The following LZIC variants were observed in gnomAD, a reference collection of about 807,000 sequenced individuals.
LZIC encodes the protein protein LZIC.
A neutral mutation model predicts 25.4 loss-of-function variants in LZIC; 28 were observed. That is an observed-to-expected ratio of 1.10 (90% CI 0.82 to 1.51). The LOEUF (loss-of-function observed/expected upper bound fraction) is 1.51, where lower values mean the gene tolerates loss of function less well. LZIC is among the 40% of genes most tolerant of loss of function. LZIC has a pLI of 0.00. For missense variants in LZIC, 170 were observed against 211.1 expected (o/e 0.81, Z 1.21); for synonymous variants, 65 against 70.7 (o/e 0.92, Z 0.40).
chr1:9,940,487 G>A (rs1640664218), intron 2 of LZIC, among the ~76,000 whole-genome samples: 2 of 142,930 alleles, frequency 1.4e-5, no homozygotes, highest in Non-Finnish European at 3.1e-5. Flanking sequence ...CCTAGTTTTT[G>A]TATATTTTTT....
rs1387656884 is a variant in LZIC, at chr1:9,940,365, G to C, written c.-9+2259C>G. Among the ~76,000 whole-genome samples the C allele has an allele frequency of 3.3e-5, 5 of 152,054 alleles. No individual in the cohort carries two copies. In the East Asian group the frequency reaches 9.7e-4, roughly 30 times the overall value. ...CTTATTTTTTTTGTATTTTTTAGTA[G>C]AGACGGGGTTTCATCGTGTTAGCCA... On this transcript the variant is annotated intron_variant, in intron 2 of 7. Coordinates refer to ENST00000377223, the MANE Select transcript of LZIC (RefSeq NM_032368.5).
chr1:9,942,383 C>T (rs984857043), intron 2 of LZIC, among the ~76,000 whole-genome samples: 4 of 152,130 alleles, frequency 2.6e-5, no homozygotes, highest in Admixed American at 6.6e-5. Context: ...AATTTGGTCA[C>T]GTATATAAAG....
Position 9,935,601 on chromosome 1 carries a change from T to C in LZIC, c.128A>G (p.Glu43Gly), listed in dbSNP as rs1640418921. The part of the protein sequence containing the change: ...CREELDTDEY[E>G]ETKKETLEQL... ...CTCCAGAGTTTCCTTTTTGGTTTCT[T>C]CATATTCATCTGTATCAAGTTCCTC... is the stretch of plus-strand genomic sequence containing the variant. The change falls in exon 4 of 8, where the codon GAA becomes GGA. Residue 43 changes from glutamate to glycine, a missense_variant. By Grantham distance (98) the Glu-to-Gly change is moderately conservative (BLOSUM62 -2). Transcript: ENST00000377223. The C allele has an allele frequency of 6.2e-7, 1 of 1,609,702 alleles. No homozygotes were observed. The highest frequency in any genetic ancestry group is 1.3e-5 in the African/African-American group (1 of 74,702).
intron 3 of LZIC, 59 bp from the exon 4 acceptor site, chr1:9,935,686 T>A (rs1277446890): frequency 1.4e-6 from 2 of 1,437,230 alleles, no homozygotes; most frequent in Non-Finnish European, 1.9e-6. Flanking sequence ...AAAAATGCAA[T>A]CTTAATACTT....
At chr1:9,933,349 T>G (rs1640321163) in intron 5 of LZIC, among the ~76,000 whole-genome samples, 1 of 149,160 alleles carries the variant, frequency 6.7e-6, no homozygotes, top group African/African-American at 2.5e-5. Flanking sequence ...AAAAATCCTC[T>G]AGCTGATTAA....
Position 9,940,746 on chromosome 1 carries a change from T to C in LZIC, c.-9+1878A>G, listed in dbSNP as rs114880362. ...ATAATGACAAAAAATTACTACCTAA[T>C]CTATTAAAATTGGCATAAGTCATCT... On this transcript the variant is annotated intron_variant, in intron 2 of 7. Transcript: ENST00000377223. Among the ~76,000 whole-genome samples the C allele has an allele frequency of 5.9e-3, 904 of 152,324 alleles. 6 individuals are homozygous for C. Among genetic ancestry groups the C allele is most frequent in the Non-Finnish European group, 0.01 (698 of 68,022 alleles).
At chr1:9,923,458 C>T (rs1016878392), downstream of LZIC, among the ~76,000 whole-genome samples, 1 of 150,016 alleles carries the variant, frequency 6.7e-6, no homozygotes, top group African/African-American at 2.5e-5. Context: ...GATCAGCCTG[C>T]GTCAGCCTCC....
Position 9,929,264 on chromosome 1 carries a change from A to T in LZIC, c.*1135T>A, listed in dbSNP as rs1640114795. ...CTGTCTGGTTGGCAAAGCACCTAGT[A>T]GTTTACAGTACAGAAGAAGCTTTAA... On this transcript the variant is annotated 3_prime_UTR_variant, in exon 8 of 8. Coordinates refer to ENST00000377223, the MANE Select transcript of LZIC (RefSeq NM_032368.5). 1.0e-6 allele frequency: 1 copy of T among 970,142 alleles called. No individual in the cohort carries two copies. Among genetic ancestry groups the T allele is most frequent in the South Asian group, 4.8e-5 (1 of 20,962 alleles). The allele number at this position is 970,142 out of a possible 1,614,324, so 60.1% of individuals were successfully genotyped here. A position where few individuals can be genotyped will look rare whatever the true frequency, so the allele number is the denominator to read the frequency against.
intron 2 of LZIC, among the ~76,000 whole-genome samples, chr1:9,937,209 C>A: frequency 6.6e-6 from 1 of 151,898 alleles, no homozygotes; most frequent in Non-Finnish European, 1.5e-5. Flanking sequence ...CCGGCTAACA[C>A]GGTGAAACCC....
intron 5 of LZIC, 55 bp from the exon 6 acceptor site, chr1:9,932,953 C>A: frequency 1.7e-6 from 2 of 1,209,056 alleles, no homozygotes; most frequent in Non-Finnish European, 2.4e-6. Context: ...ATTCCATATA[C>A]AAAATATAGC....
chr1:9,934,162 A>G (rs981733330), intron 5 of LZIC, among the ~76,000 whole-genome samples: 7 of 151,252 alleles, frequency 4.6e-5, no homozygotes, highest in African/African-American at 1.7e-4. Context: ...CCAGAGGCAG[A>G]GGTTGTACTG....
chr1:9,930,467 A>G lies in LZIC; in HGVS notation c.515-10T>C, dbSNP rs756326455. 12 of 1,612,244 alleles carry G rather than the reference A, an allele frequency of 7.4e-6. No homozygotes were observed. The highest frequency in any genetic ancestry group is 1.0e-5 in the Non-Finnish European group (12 of 1,179,476). On this transcript the variant is annotated splice_polypyrimidine_tract_variant and intron_variant, in intron 7 of 7. Transcript: ENST00000377223. ...ATTTTGTCTCCAGAGCCTAAGAAAA[A>G]AGACACATAATAAACAAAAAGATTA...
At position 9,942,690 on chromosome 1, in the gene LZIC, T is replaced by C. The variant is rs1640816012; in HGVS notation, c.-75A>G. ...CTCAAATTGCACAAACCTCCAGTTC[T>C]TGACGTTCCGAGTGTCATAAACTTG... On this transcript the variant is annotated 5_prime_UTR_variant, in exon 2 of 8. Coordinates refer to ENST00000377223, the MANE Select transcript of LZIC (RefSeq NM_032368.5). The C allele has an allele frequency of 7.8e-7, 1 of 1,289,260 alleles. No individual in the cohort carries two copies. The highest frequency in any genetic ancestry group is 1.5e-5 in the African/African-American group (1 of 65,882). 79.9% of individuals were successfully genotyped at this position (1,289,260 alleles called of 1,614,324 possible). A position where few individuals can be genotyped will look rare whatever the true frequency, so the allele number is the denominator to read the frequency against.
rs553149719 is a variant in LZIC at position 9,931,591 on chromosome 1, A to C, written c.514+300T>G. On this transcript the variant is annotated intron_variant, in intron 7 of 7. Transcript: ENST00000377223. ...CCTCCCGCTTTTTAATTTTGAAGAC[A>C]AAGGGTCTCACCATGTTGCCCAGGC... 2.0e-5 allele frequency among the ~76,000 whole-genome samples: 3 copies of C among 152,038 alleles called. No homozygotes were observed. In the South Asian group the frequency reaches 6.2e-4, roughly 32 times the overall value.
At chr1:9,936,667 C>A in intron 2 of LZIC, 40 bp from the exon 3 acceptor site, 1 of 1,283,882 alleles carries the variant, frequency 7.8e-7, no homozygotes, top group South Asian at 1.2e-5. Context: ...ATGAAATTAA[C>A]ATACCAGTGC....
chr1:9,942,675 A>C lies in LZIC; in HGVS notation c.-60T>G. 7.8e-7 allele frequency: 1 copy of C among 1,289,400 alleles called. No individual in the cohort carries two copies. Among genetic ancestry groups the C allele is most frequent in the Non-Finnish European group, 1.0e-6 (1 of 988,842 alleles). 79.9% of individuals were successfully genotyped at this position (1,289,400 alleles called of 1,614,324 possible). Reference sequence around the variant, plus strand: ...ACAGTGCCGACCGGTCTCAAATTGCACAAACCTCCAGTTCTTGACGTTCCG... The same window carrying C: ...ACAGTGCCGACCGGTCTCAAATTGCCCAAACCTCCAGTTCTTGACGTTCCG... On this transcript the variant is annotated 5_prime_UTR_variant, in exon 2 of 8. Transcript: ENST00000377223.
intron 2 of LZIC, among the ~76,000 whole-genome samples, chr1:9,940,612 A>G (rs1048920391): frequency 3.9e-5 from 6 of 152,162 alleles, no homozygotes; most frequent in African/African-American, 1.2e-4. Context: ...GCCACCGCAC[A>G]CAGCATTAAA....
At position 9,932,788 on chromosome 1, in the gene LZIC, A is replaced by G. The variant is rs771861035; in HGVS notation, c.432+15T>C. 6.9e-7 allele frequency: 1 copy of G among 1,458,604 alleles called. No homozygotes were observed. Among genetic ancestry groups the G allele is most frequent in the East Asian group, 2.3e-5 (1 of 44,070 alleles). The allele number at this position is 1,458,604 out of a possible 1,614,324, so 90.4% of individuals were successfully genotyped here. On this transcript the variant is annotated intron_variant, in intron 6 of 7. Transcript: ENST00000377223. ...CATACTTTTTCTTTGTAACTAATATATTAAATACTGGTACCTTCTCTCCAA... is the reference window on the plus strand; with the variant it reads ...CATACTTTTTCTTTGTAACTAATATGTTAAATACTGGTACCTTCTCTCCAA...
In LZIC at chr1:9,935,608, CA is replaced by C. The variant is rs761467881; in HGVS notation, c.120del (p.Asp40GlufsTer14). The C allele has an allele frequency of 6.2e-7, 1 of 1,606,860 alleles. No homozygotes were observed. Among genetic ancestry groups the C allele is most frequent in the Non-Finnish European group, 8.5e-7 (1 of 1,178,248 alleles). ...LEECREELDTDEYEETKKETL... is the reference protein window; with the variant it reads ...LEECREELDTXEYEETKKETL... ...GTTTCCTTTTTGGTTTCTTCATATTCATCTGTATCAAGTTCCTCTCTGAAAT... is the reference window on the plus strand; with the variant it reads ...GTTTCCTTTTTGGTTTCTTCATATTCTCTGTATCAAGTTCCTCTCTGAAAT... On this transcript the variant is annotated frameshift_variant, in exon 4 of 8. Coordinates refer to ENST00000377223, the MANE Select transcript of LZIC (RefSeq NM_032368.5). LOFTEE classifies it high-confidence loss of function.
Sources: allele counts gnomAD v4.1 joint callset (sites outside exome capture counted in the v4.1 genomes callset), GRCh38; gene constraint gnomAD v4.1.1; transcripts MANE v1.5; gene names NCBI Gene and HGNC (gene_info 2026-07-23, HGNC 2026-07-21).